The following GPM6A variants were observed in gnomAD, a reference collection of about 807,000 sequenced individuals.
GPM6A encodes glycoprotein M6A, also known as neuronal membrane glycoprotein M6-a.
Under a neutral mutation model 32.1 loss-of-function variants are expected in GPM6A, and 7 were observed. The ratio of observed to expected loss-of-function variants is 0.22; its 90% CI spans 0.12 to 0.41. The LOEUF (loss-of-function observed/expected upper bound fraction) is 0.41. Ranked by LOEUF, GPM6A falls within the 10% of genes least tolerant of loss-of-function variation. The pLI is 1.00. For synonymous variants in GPM6A, 130 were observed against 123.4 expected (o/e 1.05, Z -0.35); for missense variants, 235 against 347.2 (o/e 0.68, Z 2.57).
intron 1 of GPM6A, among the ~76,000 whole-genome samples, chr4:175,773,709 G>A (rs1297832062): frequency 6.6e-6 from 1 of 152,098 alleles, no homozygotes; most frequent in Non-Finnish European, 1.5e-5. Context: ...GGCTATCACT[G>A]TACATAAAAC....
rs961953483 is a variant in GPM6A at position 175,785,042 on chromosome 4, G to T, written c.37+27149C>A. 3.3e-5 allele frequency among the ~76,000 whole-genome samples: 5 copies of T among 152,132 alleles called. No individual in the cohort carries two copies. In the East Asian group the frequency reaches 9.6e-4, roughly 29 times the overall value. On this transcript the variant is annotated intron_variant, in intron 1 of 6. Transcript: ENST00000393658. ...TCTAATTCCCCCTCCTTGAAGCTGGGCTAGCTTGAGTGACTTGGCTTTGCA... is the reference window on the plus strand; with the variant it reads ...TCTAATTCCCCCTCCTTGAAGCTGGTCTAGCTTGAGTGACTTGGCTTTGCA...
intron 1 of GPM6A, among the ~76,000 whole-genome samples, chr4:175,833,718 T>C (rs755704293): frequency 2.0e-5 from 3 of 152,126 alleles, no homozygotes; most frequent in Non-Finnish European, 2.9e-5. Flanking sequence ...CTGTGATTCC[T>C]TGCAGTCATC....
chr4:175,763,559 A>T (rs1188434409), intron 1 of GPM6A, among the ~76,000 whole-genome samples: 3 of 152,166 alleles, frequency 2.0e-5, no homozygotes, highest in Admixed American at 2.0e-4. Flanking sequence ...CTTTTATGTA[A>T]TAGGTCCTCA....
At chr4:175,758,081 T>C (rs978079073) in intron 1 of GPM6A, among the ~76,000 whole-genome samples, 6 of 152,136 alleles carry the variant, frequency 3.9e-5, no homozygotes, top group African/African-American at 7.2e-5. Flanking sequence ...CCTCTGCCAG[T>C]TGTGGCCCTT....
At chr4:175,676,231 G>A (rs949126140) in intron 2 of GPM6A, among the ~76,000 whole-genome samples, 4 of 152,122 alleles carry the variant, frequency 2.6e-5, no homozygotes, top group Admixed American at 6.5e-5. Context: ...TAAATTACCC[G>A]GTCTCAGGTA....
intron 1 of GPM6A, among the ~76,000 whole-genome samples, chr4:175,930,284 A>C (rs947412924): frequency 1.3e-4 from 20 of 152,116 alleles, no homozygotes; most frequent in African/African-American, 4.8e-4. Context: ...AGGGAAGTTT[A>C]TTTTATAGTC....
chr4:175,726,423 C>A (rs936972825), intron 1 of GPM6A, among the ~76,000 whole-genome samples: 2 of 152,142 alleles, frequency 1.3e-5, no homozygotes, highest in African/African-American at 4.8e-5. Flanking sequence ...TTACCAAAAA[C>A]TGTTGTCTCC....
chr4:175,875,150 G>A (rs1737043623), intron 1 of GPM6A, among the ~76,000 whole-genome samples: 1 of 152,082 alleles, frequency 6.6e-6, no homozygotes, highest in South Asian at 2.1e-4. Context: ...CTATAAGGAT[G>A]GGAGTCTACA....
At chr4:175,705,527 G>C (rs1745140014) in intron 1 of GPM6A, among the ~76,000 whole-genome samples, 1 of 152,148 alleles carries the variant, frequency 6.6e-6, no homozygotes, top group South Asian at 2.1e-4. Context: ...TCCCATCTGG[G>C]GAAGCAGCGC....
chr4:175,771,066 G>A lies in GPM6A; in HGVS notation c.37+41125C>T, dbSNP rs546210671. ...CTTCGTTCCTCTGTATGTCTGTAGCGGGAAGAATGGGGTATTTTAGGAAAT... is the reference window on the plus strand; with the variant it reads ...CTTCGTTCCTCTGTATGTCTGTAGCAGGAAGAATGGGGTATTTTAGGAAAT... On this transcript the variant is annotated intron_variant, in intron 1 of 6. Transcript: ENST00000393658. 7.9e-5 allele frequency among the ~76,000 whole-genome samples: 12 copies of A among 152,238 alleles called. No individual in the cohort carries two copies. In the South Asian group the frequency reaches 1.2e-3, roughly 16 times the overall value.
At chr4:175,865,179 A>C (rs1186590255) in intron 1 of GPM6A, among the ~76,000 whole-genome samples, 3 of 152,210 alleles carry the variant, frequency 2.0e-5, no homozygotes, top group Non-Finnish European at 2.9e-5. Context: ...TCGTTTTAGC[A>C]CAATTGTTAA....
intron 1 of GPM6A, among the ~76,000 whole-genome samples, chr4:175,739,005 A>C: frequency 6.6e-6 from 1 of 152,190 alleles, no homozygotes; most frequent in Non-Finnish European, 1.5e-5. Flanking sequence ...TACAAAACTG[A>C]CATAATTTGT....
chr4:175,784,503 G>A (rs1733724337), intron 1 of GPM6A, among the ~76,000 whole-genome samples: 1 of 152,114 alleles, frequency 6.6e-6, no homozygotes, highest in South Asian at 2.1e-4. Context: ...ACATTCAGAG[G>A]AAGCTGGTTT....
chr4:175,846,162 A>T (rs1263799898), intron 1 of GPM6A, among the ~76,000 whole-genome samples: 1 of 152,140 alleles, frequency 6.6e-6, no homozygotes, highest in Admixed American at 6.6e-5. Flanking sequence ...CCTTATATTG[A>T]AAACAAGAGA....
chr4:175,678,284 T>C (rs1380844951), intron 2 of GPM6A, among the ~76,000 whole-genome samples: 1 of 152,172 alleles, frequency 6.6e-6, no homozygotes, highest in African/African-American at 2.4e-5. Flanking sequence ...AGTATGTATA[T>C]TAGCTAAAGG....
chr4:175,879,141 C>T (rs892757534), intron 1 of GPM6A, among the ~76,000 whole-genome samples: 1 of 152,100 alleles, frequency 6.6e-6, no homozygotes, highest in Admixed American at 6.6e-5. Context: ...TTTCATTGCC[C>T]ATATCATTAT....
chr4:175,795,500 A>C (rs1354285772), intron 1 of GPM6A, among the ~76,000 whole-genome samples: 2 of 152,072 alleles, frequency 1.3e-5, no homozygotes, highest in African/African-American at 4.8e-5. Flanking sequence ...CTATAATCTC[A>C]ACATTTTCGG....
intron 1 of GPM6A, among the ~76,000 whole-genome samples, chr4:175,736,250 G>A (rs911767513): frequency 7.2e-5 from 11 of 152,134 alleles, no homozygotes; most frequent in South Asian, 6.2e-4. Flanking sequence ...TCCTGGCCTC[G>A]AGCAATTCTC....
At chr4:175,656,880 G>A (rs1342477698) in intron 3 of GPM6A, among the ~76,000 whole-genome samples, 2 of 152,150 alleles carry the variant, frequency 1.3e-5, no homozygotes, top group African/African-American at 4.8e-5. Flanking sequence ...TGAACTAAGT[G>A]ATGAAAACAT....
Sources: allele counts gnomAD v4.1 joint callset (sites outside exome capture counted in the v4.1 genomes callset), GRCh38; gene constraint gnomAD v4.1.1; transcripts MANE v1.5; gene names NCBI Gene and HGNC (gene_info 2026-07-23, HGNC 2026-07-21).